Variants in TBC1D12 observed in about 807,000 individuals in gnomAD.
TBC1D12 encodes TBC1 domain family member 12.
In TBC1D12, 56 loss-of-function variants were observed where a neutral mutation model predicts 86.7. The ratio of observed to expected loss-of-function variants is 0.65; its 90% CI spans 0.52 to 0.81. TBC1D12 has a LOEUF of 0.81. Among genes scored for constraint, TBC1D12 ranks in the 30% least tolerant of loss-of-function variants. The pLI is 0.00. For synonymous variants in TBC1D12, 421 were observed against 411.7 expected, an observed-to-expected ratio of 1.02 and a Z score of -0.27; for missense variants, 1,023 against 1,038.8, an observed-to-expected ratio of 0.98 and a Z score of 0.21.
At chr10:94,513,689 AGGTAGCT>A (rs1225103665) in intron 9 of TBC1D12, among the ~76,000 whole-genome samples, 1 of 151,858 alleles carries the variant, frequency 6.6e-6, no homozygotes, top group Non-Finnish European at 1.5e-5. Flanking sequence ...TCAGCCTCCC[AGGTAGCT>A]GGGACTGCAG....
intron 2 of TBC1D12, among the ~76,000 whole-genome samples, chr10:94,451,252 C>G (rs1015850646): frequency 6.6e-6 from 1 of 151,780 alleles, no homozygotes; most frequent in African/African-American, 2.4e-5. Context: ...GGTCTGATCA[C>G]AATACATTAT....
intron 12 of TBC1D12, among the ~76,000 whole-genome samples, chr10:94,531,719 T>TTTATG (rs796779722): frequency 2.0e-4 from 24 of 119,330 alleles, no homozygotes; most frequent in South Asian, 2.9e-4. Flanking sequence ...TTTATGTTAT[T>TTTATG]TTATGTTATT....
intron 1 of TBC1D12, among the ~76,000 whole-genome samples, chr10:94,438,707 T>C (rs2055338344): frequency 6.6e-6 from 1 of 152,178 alleles, no homozygotes; most frequent in Non-Finnish European, 1.5e-5. Context: ...CGGTAGCCTC[T>C]TCCTTCATCA....
At chr10:94,470,690 CTT>C (rs35586245) in intron 2 of TBC1D12, among the ~76,000 whole-genome samples, 288 of 105,800 alleles carry the variant, frequency 2.7e-3, no homozygotes, top group Non-Finnish European at 3.3e-3. Flanking sequence ...ATTTGTAATT[CTT>C]TTTTTTTTTT....
chr10:94,419,004 A>C lies in TBC1D12; in HGVS notation c.971+15420A>C, dbSNP rs188843919. Among the ~76,000 whole-genome samples the C allele has an allele frequency of 1.5e-3, 234 of 151,906 alleles. 1 individual carries two copies. The highest frequency in any genetic ancestry group is 2.7e-3 in the Non-Finnish European group (186 of 67,950). On this transcript the variant is annotated intron_variant, in intron 1 of 12. Transcript: ENST00000225235. ...ATTCTCCTGCCTCAGCCTCCCGAGTAGCTGGGACTACAGGTGCACGCCACC... is the reference window on the plus strand; with the variant it reads ...ATTCTCCTGCCTCAGCCTCCCGAGTCGCTGGGACTACAGGTGCACGCCACC...
chr10:94,456,561 T>A (rs2134113351), intron 2 of TBC1D12, among the ~76,000 whole-genome samples: 1 of 152,352 alleles, frequency 6.6e-6, no homozygotes, highest in Non-Finnish European at 1.5e-5. Flanking sequence ...TATTTTAAAC[T>A]TGTTAAGGTG....
chr10:94,443,909 C>A (rs2055415614), intron 2 of TBC1D12, among the ~76,000 whole-genome samples: 1 of 152,156 alleles, frequency 6.6e-6, no homozygotes. Context: ...GTGGCTCACG[C>A]CTGTAATCCC....
intron 11 of TBC1D12, among the ~76,000 whole-genome samples, chr10:94,528,942 C>T (rs1020117983): frequency 1.3e-5 from 2 of 151,780 alleles, no homozygotes; most frequent in Non-Finnish European, 2.9e-5. Flanking sequence ...TGGTATTAAG[C>T]TTTAATGTAG....
At chr10:94,449,737 A>T (rs948114002) in intron 2 of TBC1D12, among the ~76,000 whole-genome samples, 10 of 152,220 alleles carry the variant, frequency 6.6e-5, no homozygotes, top group Admixed American at 6.5e-4. Context: ...CAGTTAATGG[A>T]TATATCAGGG....
intron 9 of TBC1D12, among the ~76,000 whole-genome samples, chr10:94,519,690 C>G (rs551746934): frequency 6.6e-6 from 1 of 152,262 alleles, no homozygotes; most frequent in South Asian, 2.1e-4. Flanking sequence ...CATTTCCTTG[C>G]TTTTTCCACC....
chr10:94,451,046 C>A (rs1352042714), intron 2 of TBC1D12, among the ~76,000 whole-genome samples: 1 of 151,850 alleles, frequency 6.6e-6, no homozygotes, highest in Non-Finnish European at 1.5e-5. Flanking sequence ...GTGGGGAGTG[C>A]ATGTTAGGGA....
intron 4 of TBC1D12, among the ~76,000 whole-genome samples, chr10:94,495,733 T>G (rs1564976611): frequency 1.3e-5 from 2 of 151,878 alleles, no homozygotes; most frequent in Admixed American, 6.6e-5. Flanking sequence ...ATTTTTTTTT[T>G]GTTGTTGGTA....
intron 3 of TBC1D12, 71 bp downstream of exon 3, chr10:94,474,854 TAA>T: frequency 7.4e-7 from 1 of 1,348,120 alleles, no homozygotes; most frequent in South Asian, 1.3e-5. Flanking sequence ...TTCACTATTT[TAA>T]AAGATAGCGA....
At chr10:94,509,701 G>A (rs1249541454) in intron 7 of TBC1D12, 1 of 193,862 alleles carries the variant, frequency 5.2e-6, no homozygotes, top group Admixed American at 6.4e-5. Context: ...ATGGACACTG[G>A]TGTCTACTCA....
chr10:94,436,735 T>G (rs1044327246), intron 1 of TBC1D12, among the ~76,000 whole-genome samples: 1 of 152,084 alleles, frequency 6.6e-6, no homozygotes, highest in African/African-American at 2.4e-5. Context: ...TTTAAAAAAT[T>G]TCCAGCTGTC....
chr10:94,515,887 A>G (rs1368539422), intron 9 of TBC1D12, among the ~76,000 whole-genome samples: 2 of 148,470 alleles, frequency 1.3e-5, no homozygotes, highest in African/African-American at 5.0e-5. Context: ...TATAACCGAG[A>G]TGGCTACTAG....
chr10:94,467,985 C>A (rs937568762), intron 2 of TBC1D12, among the ~76,000 whole-genome samples: 5 of 152,066 alleles, frequency 3.3e-5, no homozygotes, highest in African/African-American at 1.2e-4. Context: ...CTTTGCAGAC[C>A]CCATGAAAGC....
rs1471569648 is a variant in TBC1D12, at chr10:94,403,485, C to G, written c.872C>G (p.Pro291Arg). Residue 291 changes from proline (P) to arginine (R), a missense_variant, in exon 1 of 13, where the codon CCG (proline) becomes CGG (arginine). Transcript: ENST00000225235. ...RGQSARDHLP[P>R]AGPPVPLPAA... The stretch of plus-strand genomic sequence containing the variant: ...CAGAGCGCCCGCGATCACCTGCCCC[C>G]GGCGGGGCCGCCGGTGCCCTTGCCC... 14 of 1,541,676 alleles carry G rather than the reference C, an allele frequency of 9.1e-6. No individual in the cohort carries two copies. In the East Asian group the frequency reaches 2.0e-4, roughly 22 times the overall value.
chr10:94,521,650 A>G (rs371429821), intron 9 of TBC1D12, among the ~76,000 whole-genome samples: 103 of 152,334 alleles, frequency 6.8e-4, no homozygotes, highest in African/African-American at 2.5e-3. Flanking sequence ...GAAAGAATTC[A>G]GACTGAGAGG....
Sources: gnomAD v4.1 joint callset for allele counts (sites outside exome capture counted in the v4.1 genomes callset) on GRCh38, gnomAD v4.1.1 for gene constraint, MANE v1.5 for transcripts, NCBI Gene and HGNC (gene_info 2026-07-23, HGNC 2026-07-21) for gene names.